TPX2: variants seen among roughly 807,000 people sequenced by gnomAD.
TPX2 encodes the protein TPX2 microtubule nucleation factor.
In TPX2, 21 loss-of-function variants were observed where a neutral mutation model predicts 93.6. That is an observed-to-expected ratio of 0.22 (90% confidence interval 0.16 to 0.32). The LOEUF (loss-of-function observed/expected upper bound fraction) is 0.32, where lower values mean the gene tolerates loss of function less well. Ranked by LOEUF, TPX2 falls within the 10% of genes least tolerant of loss-of-function variation. TPX2 has a pLI of 1.00. For synonymous variants in TPX2, 281 were observed against 298.3 expected, an observed-to-expected ratio of 0.94 and a Z score of 0.60; for missense variants, 776 against 871.1, an observed-to-expected ratio of 0.89 and a Z score of 1.37.
rs2061740255 is a variant in TPX2 at position 31,739,324 on chromosome 20, T to C, written c.-475T>C. 1 of 152,196 alleles carries C rather than the reference T, an allele frequency of 6.6e-6. No individual in the cohort carries two copies. The highest frequency in any genetic ancestry group is 2.1e-4 in the South Asian group (1 of 4,834). 9.4% of individuals were successfully genotyped at this position (152,196 alleles called of 1,614,324 possible). On this transcript the variant is annotated 5_prime_UTR_variant, in exon 1 of 18. Coordinates refer to ENST00000300403, the MANE Select transcript of TPX2 (RefSeq NM_012112.5). ...CCGCGGCGGGTTGGCTCGCGCTTCG[T>C]TGTCAGATCTGAGGCGAGGCTAGGT... is the stretch of plus-strand genomic sequence containing the variant.
intron 5 of TPX2, among the ~76,000 whole-genome samples, chr20:31,767,292 C>T (rs904635329): frequency 6.6e-6 from 1 of 152,172 alleles, no homozygotes; most frequent in Non-Finnish European, 1.5e-5. Flanking sequence ...CAATCTGTTT[C>T]CAAAGGCCTT....
chr20:31,760,163 C>CACACCTTTGAAACCAGGTAAGA lies in TPX2; in HGVS notation c.215_229+7dup, dbSNP rs2061880379. 6.2e-7 allele frequency: 1 copy of CACACCTTTGAAACCAGGTAAGA among 1,613,656 alleles called. No individual in the cohort carries two copies. The highest frequency in any genetic ancestry group is 8.5e-7 in the Non-Finnish European group (1 of 1,179,898). On this transcript the variant is annotated frameshift_variant, in exon 4 of 18. Coordinates refer to ENST00000300403, the MANE Select transcript of TPX2 (RefSeq NM_012112.5). LOFTEE classifies it high-confidence loss of function. The stretch of plus-strand genomic sequence containing the variant: ...AGGCTAATCTTCAGCAAGCTATTGT[C>CACACCTTTGAAACCAGGTAAGA]ACACCTTTGAAACCAGGTAAGAAAA...
At chr20:31,772,019 C>CTTTTT (rs397866298) in intron 7 of TPX2, among the ~76,000 whole-genome samples, 1,778 of 125,216 alleles carry the variant, frequency 0.014, 59 homozygotes, top group African/African-American at 0.053. Context: ...GCCTGGCTAA[C>CTTTTT]TTTTTTTTTT....
intron 2 of TPX2, among the ~76,000 whole-genome samples, chr20:31,757,071 T>C (rs541526164): frequency 4.0e-5 from 6 of 151,560 alleles, no homozygotes; most frequent in African/African-American, 1.5e-4. Context: ...TCAACTGTTA[T>C]ACTTAGAGAT....
At chr20:31,784,535 C>G (rs117613078) in intron 12 of TPX2, among the ~76,000 whole-genome samples, 1 of 152,164 alleles carries the variant, frequency 6.6e-6, no homozygotes, top group Admixed American at 6.5e-5. Context: ...ATATGCCTCT[C>G]CATTACATGA....
chr20:31,754,491 T>C (rs1340864710), intron 2 of TPX2, among the ~76,000 whole-genome samples: 1 of 152,080 alleles, frequency 6.6e-6, no homozygotes, highest in Non-Finnish European at 1.5e-5. Flanking sequence ...TTCATCTCAG[T>C]GGATAGCTTA....
rs138213787 is a variant in TPX2 at position 31,780,894 on chromosome 20, G to GTTAT, written c.1055-1336_1055-1333dup. ...GGGAGTTTTCACTTGGTCTTCTTTT[G>GTTAT]TTATTTATTTATTTATTTATTTTCC... On this transcript the variant is annotated intron_variant, in intron 10 of 17. Transcript: ENST00000300403. 931 of 382,074 alleles carry GTTAT rather than the reference G, an allele frequency of 2.4e-3. 2 individuals carry two copies. Among genetic ancestry groups the GTTAT allele is most frequent in the Non-Finnish European group, 3.7e-3 (727 of 198,520 alleles). The allele number at this position is 382,074 out of a possible 1,614,324, so 23.7% of individuals were successfully genotyped here.
At chr20:31,742,978 G>A (rs752115041) in intron 2 of TPX2, among the ~76,000 whole-genome samples, 1 of 152,084 alleles carries the variant, frequency 6.6e-6, no homozygotes, top group Non-Finnish European at 1.5e-5. Flanking sequence ...ACTTTGGGAG[G>A]CTGAGGCAGG....
chr20:31,768,774 C>T (rs2061945138), intron 5 of TPX2, among the ~76,000 whole-genome samples: 1 of 152,122 alleles, frequency 6.6e-6, no homozygotes, highest in African/African-American at 2.4e-5. Flanking sequence ...CAGTAGAAAA[C>T]AGGCAAACGA....
chr20:31,786,059 A>AT (rs1240977287), intron 12 of TPX2, among the ~76,000 whole-genome samples: 1 of 152,224 alleles, frequency 6.6e-6, no homozygotes, highest in African/African-American at 2.4e-5. Context: ...TGCTTATTAC[A>AT]TGCCAGGTCT....
chr20:31,796,218 A>G (rs1425823903), intron 15 of TPX2, among the ~76,000 whole-genome samples: 2 of 152,262 alleles, frequency 1.3e-5, no homozygotes, highest in East Asian at 3.8e-4. Flanking sequence ...TGATCAAAAC[A>G]TGAAAAGTCT....
chr20:31,769,682 G>A (rs571430290), intron 5 of TPX2, among the ~76,000 whole-genome samples: 27 of 152,186 alleles, frequency 1.8e-4, no homozygotes, highest in African/African-American at 6.3e-4. Context: ...CTGTATTTTG[G>A]CCTAGGTGGT....
chr20:31,798,120 T>C (rs2062149223), intron 16 of TPX2, among the ~76,000 whole-genome samples: 1 of 152,256 alleles, frequency 6.6e-6, no homozygotes, highest in Admixed American at 6.5e-5. Context: ...TATATAGTTT[T>C]GTGCAAGCTA....
At chr20:31,766,463 G>GTGTGTGTGTGTGTGTA (rs2061926352) in intron 4 of TPX2, 93 bp from the exon 5 acceptor site, 21 of 1,070,696 alleles carry the variant, frequency 2.0e-5, no homozygotes, top group African/African-American at 9.8e-5. Flanking sequence ...GGGTGTGTGT[G>GTGTGTGTGTGTGTGTA]TGTGTGTGTG....
chr20:31,794,831 T>C (rs1172347156), intron 15 of TPX2, among the ~76,000 whole-genome samples: 3 of 151,868 alleles, frequency 2.0e-5, no homozygotes, highest in Non-Finnish European at 4.4e-5. Flanking sequence ...TTGTTGTTGT[T>C]GTTTTTTGAG....
In TPX2 at chr20:31,782,241, G is replaced by A; in HGVS notation, c.1055-8G>A. 2 of 1,603,882 alleles carry A rather than the reference G, an allele frequency of 1.2e-6. No homozygotes were observed. ...ATCTAGATGAACATCTGTCATCTCTGTTTACAGACCTGTTACCCTCCAAAT... is the reference window on the plus strand; with the variant it reads ...ATCTAGATGAACATCTGTCATCTCTATTTACAGACCTGTTACCCTCCAAAT... On this transcript the variant is annotated splice_region_variant and splice_polypyrimidine_tract_variant and intron_variant, in intron 10 of 17. Transcript: ENST00000300403.
At chr20:31,776,043 G>C in intron 8 of TPX2, 55 bp downstream of exon 8, 1 of 419,524 alleles carries the variant, frequency 2.4e-6, no homozygotes, top group South Asian at 6.9e-5. Flanking sequence ...TAACACTCTT[G>C]GTAGGTGTTT....
At chr20:31,757,047 T>G (rs931048946) in intron 2 of TPX2, among the ~76,000 whole-genome samples, 1 of 152,182 alleles carries the variant, frequency 6.6e-6, no homozygotes, top group Non-Finnish European at 1.5e-5. Flanking sequence ...ATTTTTATCT[T>G]TTTAGAGACA....
In TPX2 at chr20:31,798,440, TGGA is replaced by T; in HGVS notation, c.2023_2025del (p.Glu675del). The T allele has an allele frequency of 6.2e-7, 1 of 1,613,942 alleles. No individual in the cohort carries two copies. On this transcript the variant is annotated inframe_deletion, in exon 17 of 18. Coordinates refer to ENST00000300403, the MANE Select transcript of TPX2 (RefSeq NM_012112.5). ...AAGAGAGCCAAAGAGCGGCAGGAGC[TGGA>T]GAAGAGAATGGCTGAGGTAGAAGCC...
Sources: allele counts gnomAD v4.1 joint callset (sites outside exome capture counted in the v4.1 genomes callset), GRCh38; gene constraint gnomAD v4.1.1; transcripts MANE v1.5; gene names NCBI Gene and HGNC (gene_info 2026-07-23, HGNC 2026-07-21).